SPIN1: variants seen among roughly 807,000 people sequenced by gnomAD.
SPIN1 encodes spindlin 1, also known as spindlin-1.
Under a neutral mutation model 26.0 loss-of-function variants are expected in SPIN1, and 3 were observed. The observed-to-expected ratio is 0.12, with a 90% CI of 0.05 to 0.30. The LOEUF is 0.30. Among genes scored for constraint, SPIN1 ranks in the 10% least tolerant of loss-of-function variants. SPIN1 has a pLI of 1.00. For synonymous variants in SPIN1, 101 were observed against 116.5 expected (o/e 0.87, Z 0.86); for missense variants, 126 against 333.4 (o/e 0.38, Z 4.84).
chr9:88,446,975 C>T (rs1828263234), intron 2 of SPIN1, among the ~76,000 whole-genome samples: 1 of 152,150 alleles, frequency 6.6e-6, no homozygotes, highest in Non-Finnish European at 1.5e-5. Flanking sequence ...TTTATCACAT[C>T]TGGACAACTT....
chr9:88,441,431 A>ATGTGTGTGTGTGTGTGTGTGTG (rs927476863), intron 2 of SPIN1, among the ~76,000 whole-genome samples: 1 of 93,310 alleles, frequency 1.1e-5, no homozygotes, highest in Non-Finnish European at 1.9e-5. Context: ...GCGCGCGCCC[A>ATGTGTGTGTGTGTGTGTGTGTG]TGTGTGTGTA....
intron 4 of SPIN1, among the ~76,000 whole-genome samples, chr9:88,467,599 A>G (rs1564044410): frequency 6.6e-6 from 1 of 152,110 alleles, no homozygotes; most frequent in African/African-American, 2.4e-5. Context: ...AAGGAGGAAG[A>G]TGGGAAACCT....
chr9:88,428,805 G>A (rs1293666434), intron 2 of SPIN1, among the ~76,000 whole-genome samples: 4 of 152,120 alleles, frequency 2.6e-5, no homozygotes, highest in East Asian at 3.9e-4. Flanking sequence ...ATAAGAGTCC[G>A]TGAGGTTATT....
At chr9:88,429,311 A>C (rs1298934945) in intron 2 of SPIN1, among the ~76,000 whole-genome samples, 1 of 152,098 alleles carries the variant, frequency 6.6e-6, no homozygotes, top group Non-Finnish European at 1.5e-5. Context: ...GATACTGTCC[A>C]CCTAGAGACA....
intron 3 of SPIN1, among the ~76,000 whole-genome samples, chr9:88,453,447 C>CT (rs1828403642): frequency 6.6e-6 from 1 of 152,024 alleles, no homozygotes; most frequent in South Asian, 2.1e-4. Flanking sequence ...GGGGGCTGGT[C>CT]TGGGGAATCT....
At chr9:88,440,665 G>A (rs1409762970) in intron 2 of SPIN1, among the ~76,000 whole-genome samples, 2 of 149,004 alleles carry the variant, frequency 1.3e-5, no homozygotes, top group Non-Finnish European at 2.9e-5. Flanking sequence ...TGCAACCTCC[G>A]CCACCCGTGT....
At chr9:88,399,710 G>T (rs1189138392) in intron 1 of SPIN1, among the ~76,000 whole-genome samples, 1 of 152,128 alleles carries the variant, frequency 6.6e-6, no homozygotes, top group African/African-American at 2.4e-5. Flanking sequence ...GCACCCTTCA[G>T]TTGCTGCACA....
intron 1 of SPIN1, among the ~76,000 whole-genome samples, chr9:88,402,759 G>A (rs1198617010): frequency 6.6e-6 from 1 of 152,128 alleles, no homozygotes. Flanking sequence ...AAATAGTGCT[G>A]TGGTAAACAG....
At chr9:88,449,025 T>C (rs907315199) in intron 3 of SPIN1, 36 bp downstream of exon 3, 1 of 1,605,166 alleles carries the variant, frequency 6.2e-7, no homozygotes, top group Non-Finnish European at 8.5e-7. Flanking sequence ...GATAGTGTTT[T>C]GTGACCTTTT....
chr9:88,448,918 C>CTA, intron 2 of SPIN1, 23 bp from the exon 3 acceptor site: 1 of 1,611,586 alleles, frequency 6.2e-7, no homozygotes, highest in Non-Finnish European at 8.5e-7. Flanking sequence ...TTTTCATTGA[C>CTA]TATATACTCA....
At chr9:88,459,388 T>A (rs948878791) in intron 3 of SPIN1, among the ~76,000 whole-genome samples, 1 of 152,226 alleles carries the variant, frequency 6.6e-6, no homozygotes, top group African/African-American at 2.4e-5. Flanking sequence ...TGCAGATGTC[T>A]AGAAGTCAAC....
chr9:88,429,488 C>A (rs971410106), intron 2 of SPIN1, among the ~76,000 whole-genome samples: 1 of 152,014 alleles, frequency 6.6e-6, no homozygotes, highest in Non-Finnish European at 1.5e-5. Context: ...GAGCAACTCA[C>A]AAAACTCAGT....
At chr9:88,400,375 A>G (rs1019234921) in intron 1 of SPIN1, among the ~76,000 whole-genome samples, 2 of 152,222 alleles carry the variant, frequency 1.3e-5, no homozygotes, top group African/African-American at 2.4e-5. Flanking sequence ...GGCAGAATTT[A>G]TTGATGTGGG....
chr9:88,475,297 C>A lies in SPIN1; in HGVS notation c.*20C>A, dbSNP rs776909674. On this transcript the variant is annotated 3_prime_UTR_variant, in exon 6 of 6. Coordinates refer to ENST00000375859, the MANE Select transcript of SPIN1 (RefSeq NM_006717.3). ...TCCTAGATGTCATCACAAACTCTGC[C>A]AAATTTGTGGAACTATGAAATGTAT... is the stretch of plus-strand genomic sequence containing the variant. The A allele has an allele frequency of 6.2e-7, 1 of 1,602,734 alleles. No individual in the cohort carries two copies. The highest frequency in any genetic ancestry group is 1.1e-5 in the South Asian group (1 of 90,240).
chr9:88,457,573 C>T lies in SPIN1; in HGVS notation c.102-4923C>T, dbSNP rs150543675. Among the ~76,000 whole-genome samples, 413 of 152,040 alleles carry T rather than the reference C, an allele frequency of 2.7e-3. 3 individuals carry two copies. The highest frequency in any genetic ancestry group is 9.3e-3 in the African/African-American group (384 of 41,486). On this transcript the variant is annotated intron_variant, in intron 3 of 5. Coordinates refer to ENST00000375859, the MANE Select transcript of SPIN1 (RefSeq NM_006717.3). ...ATAAAACACCTTGAAGAGAAAATTG[C>T]CCCTCAGAGGAACAAGGATCAGATT...
In SPIN1 at chr9:88,423,159, ACAG is replaced by A. The variant is rs542227495; in HGVS notation, c.-158-3219_-158-3217del. Among the ~76,000 whole-genome samples, 467 of 152,346 alleles carry A rather than the reference ACAG, an allele frequency of 3.1e-3. 2 individuals carry two copies. The highest frequency in any genetic ancestry group is 0.01 in the African/African-American group (436 of 41,582). On this transcript the variant is annotated intron_variant, in intron 1 of 5. Transcript: ENST00000375859. ...ACTTGAAATTTTAATGAAGTGGAAAACAGCAGAAAATACTGCTAAGATAAGCTT... is the reference window on the plus strand; with the variant it reads ...ACTTGAAATTTTAATGAAGTGGAAAACAGAAAATACTGCTAAGATAAGCTT...
intron 1 of SPIN1, among the ~76,000 whole-genome samples, chr9:88,412,611 C>T (rs1827473190): frequency 6.6e-6 from 1 of 152,100 alleles, no homozygotes; most frequent in South Asian, 2.1e-4. Flanking sequence ...AGGATCACAA[C>T]AGAAACCAAT....
Position 88,475,391 on chromosome 9 carries a change from A to G in SPIN1, c.*114A>G. ...AGCTTAAATGTCCCTGCGAACCCAC[A>G]ATCTCTGCCAGCAGAACTGGTTTTG... On this transcript the variant is annotated 3_prime_UTR_variant, in exon 6 of 6. Transcript: ENST00000375859. 9.4e-7 allele frequency: 1 copy of G among 1,059,980 alleles called. No homozygotes were observed. The allele number at this position is 1,059,980 out of a possible 1,614,324, so 65.7% of individuals were successfully genotyped here. A position where few individuals can be genotyped will look rare whatever the true frequency, so the allele number is the denominator to read the frequency against.
At chr9:88,471,318 T>A (rs1023975247) in intron 5 of SPIN1, among the ~76,000 whole-genome samples, 13 of 152,056 alleles carry the variant, frequency 8.5e-5, no homozygotes, top group Non-Finnish European at 1.8e-4. Flanking sequence ...TGACTGCCTA[T>A]CTAGTTGTCC....
Sources: allele counts gnomAD v4.1 joint callset (sites outside exome capture counted in the v4.1 genomes callset), GRCh38; gene constraint gnomAD v4.1.1; transcripts MANE v1.5; gene names NCBI Gene and HGNC (gene_info 2026-07-23, HGNC 2026-07-21).